The following PKHD1 variants were observed in gnomAD, a reference collection of about 807,000 sequenced individuals.
The protein encoded by PKHD1 is fibrocystin.
A neutral mutation model predicts 412.0 loss-of-function variants in PKHD1; 291 were observed. The observed-to-expected ratio is 0.71, with a 90% CI of 0.64 to 0.78. The LOEUF is 0.78. Ranked by LOEUF, PKHD1 falls within the 30% of genes least tolerant of loss-of-function variation. The pLI, the probability that PKHD1 is intolerant of heterozygous loss-of-function variation, is 0.00. For synonymous variants in PKHD1, 1,777 were observed against 1,821.5 expected, an observed-to-expected ratio of 0.98 and a Z score of 0.62; for missense variants, 4,825 against 4,950.7, an observed-to-expected ratio of 0.97 and a Z score of 0.76.
At chr6:51,830,657 A>T (rs555348887) in intron 52 of PKHD1, among the ~76,000 whole-genome samples, 1 of 152,292 alleles carries the variant, frequency 6.6e-6, no homozygotes, top group Non-Finnish European at 1.5e-5. Context: ...TAATGAAGAT[A>T]TGCTAGGTTA....
chr6:51,762,941 AT>A (rs1788290711), intron 55 of PKHD1, among the ~76,000 whole-genome samples: 2 of 152,056 alleles, frequency 1.3e-5, no homozygotes, highest in South Asian at 4.1e-4. Context: ...TTTGCAACTT[AT>A]TTTGAGTCTG....
chr6:51,933,468 A>G (rs1786971915), intron 37 of PKHD1, among the ~76,000 whole-genome samples: 1 of 152,252 alleles, frequency 6.6e-6, no homozygotes, highest in Non-Finnish European at 1.5e-5. Flanking sequence ...ATACCAGGCT[A>G]CTGCATGTTG....
At position 51,918,677 on chromosome 6, in the gene PKHD1, T is replaced by C. The variant is rs77683544; in HGVS notation, c.6122-6101A>G. 3.9e-5 allele frequency among the ~76,000 whole-genome samples: 6 copies of C among 152,310 alleles called. No homozygotes were observed. The East Asian group carries it at 9.6e-4, about 24-fold the overall frequency. ...CATACGTGTGCATGTGTCTTTATGG[T>C]TGAATGATTTATAATCCTTTGGGTA... is the stretch of plus-strand genomic sequence containing the variant. On this transcript the variant is annotated intron_variant, in intron 37 of 66. Transcript: ENST00000371117.
intron 16 of PKHD1, among the ~76,000 whole-genome samples, chr6:52,057,437 A>G (rs574966185): frequency 3.4e-5 from 5 of 147,584 alleles, no homozygotes; most frequent in Admixed American, 2.7e-4. Context: ...TTTTTTTTTT[A>G]GATGGAGTTT....
chr6:51,896,213 C>A (rs866113797), intron 43 of PKHD1, among the ~76,000 whole-genome samples: 57 of 150,446 alleles, frequency 3.8e-4, no homozygotes, highest in African/African-American at 1.3e-3. Flanking sequence ...CCTCTGGGGG[C>A]AGGGCACAGA....
chr6:51,810,980 G>T (rs1764600858), intron 52 of PKHD1, among the ~76,000 whole-genome samples: 1 of 152,086 alleles, frequency 6.6e-6, no homozygotes, highest in South Asian at 2.1e-4. Flanking sequence ...TATAATTTGT[G>T]ATTCTTTGGA....
At chr6:51,658,313 T>A (rs1772226657) in intron 61 of PKHD1, among the ~76,000 whole-genome samples, 1 of 152,134 alleles carries the variant, frequency 6.6e-6, no homozygotes, top group Admixed American at 6.6e-5. Flanking sequence ...AAGAGGAACA[T>A]CCATCTCTAT....
At chr6:51,830,771 T>A (rs376244738) in intron 52 of PKHD1, 90 bp downstream of exon 52, 9 of 1,287,648 alleles carry the variant, frequency 7.0e-6, no homozygotes, top group Non-Finnish European at 9.0e-6. Context: ...TTCCAAACTC[T>A]TTACTGTGTT....
chr6:51,693,426 T>G (rs1778411574), intron 60 of PKHD1, among the ~76,000 whole-genome samples: 1 of 152,236 alleles, frequency 6.6e-6, no homozygotes, highest in Non-Finnish European at 1.5e-5. Flanking sequence ...TTAGAACAAC[T>G]TCTAACATTT....
At chr6:52,062,166 T>C (rs1438830718) in intron 14 of PKHD1, among the ~76,000 whole-genome samples, 6 of 152,216 alleles carry the variant, frequency 3.9e-5, no homozygotes, top group Non-Finnish European at 7.3e-5. Flanking sequence ...GGATCTTTCT[T>C]TGGCATCAAC....
chr6:51,979,071 C>T (rs1047880842), intron 35 of PKHD1, among the ~76,000 whole-genome samples: 1 of 152,196 alleles, frequency 6.6e-6, no homozygotes, highest in Non-Finnish European at 1.5e-5. Flanking sequence ...TTGTCCCGTC[C>T]TTAATCCCCA....
chr6:51,719,674 C>T (rs1184071235), intron 60 of PKHD1, among the ~76,000 whole-genome samples: 3 of 152,250 alleles, frequency 2.0e-5, no homozygotes, highest in South Asian at 2.1e-4. Context: ...TATGTTATCT[C>T]TTTATACAAT....
chr6:51,954,431 T>C (rs1446505821), intron 36 of PKHD1, among the ~76,000 whole-genome samples: 1 of 152,010 alleles, frequency 6.6e-6, no homozygotes, highest in Non-Finnish European at 1.5e-5. Flanking sequence ...TGGCTAGAAA[T>C]ACTGCCAAGC....
intron 60 of PKHD1, among the ~76,000 whole-genome samples, chr6:51,670,106 G>A (rs1067566): frequency 0.46 from 59,087 of 129,564 alleles, 15,702 homozygotes; most frequent in Non-Finnish European, 0.62. Context: ...TATCCTTGTT[G>A]ACTTTCTGTC....
chr6:51,742,880 G>T (rs1344531420), intron 60 of PKHD1, among the ~76,000 whole-genome samples: 2 of 152,154 alleles, frequency 1.3e-5, no homozygotes, highest in African/African-American at 2.4e-5. Flanking sequence ...GTCAAGGATG[G>T]CTTCTCTGAG....
At chr6:51,884,268 T>G (rs1777856906) in intron 45 of PKHD1, among the ~76,000 whole-genome samples, 1 of 152,210 alleles carries the variant, frequency 6.6e-6, no homozygotes, top group African/African-American at 2.4e-5. Flanking sequence ...CACCATTTGT[T>G]GAAAAGACTA....
At chr6:51,680,898 AC>A (rs746848779) in intron 60 of PKHD1, among the ~76,000 whole-genome samples, 129 of 152,176 alleles carry the variant, frequency 8.5e-4, no homozygotes, top group African/African-American at 2.7e-3. Context: ...GTAAAAAAAA[AC>A]ATATGCCTTT....
At chr6:52,056,842 C>T (rs1485512558) in intron 17 of PKHD1, 48 bp downstream of exon 17, 1 of 1,577,776 alleles carries the variant, frequency 6.3e-7, no homozygotes, top group South Asian at 1.1e-5. Flanking sequence ...TAAAGACCAC[C>T]CCCAGTTCTC....
At chr6:51,706,042 G>A (rs915001351) in intron 60 of PKHD1, among the ~76,000 whole-genome samples, 1 of 152,026 alleles carries the variant, frequency 6.6e-6, no homozygotes, top group East Asian at 1.9e-4. Flanking sequence ...ATGCCCCAGG[G>A]TAAAACTTAT....
Sources: gnomAD v4.1 joint callset for allele counts (sites outside exome capture counted in the v4.1 genomes callset) on GRCh38, gnomAD v4.1.1 for gene constraint, MANE v1.5 for transcripts, NCBI Gene and HGNC (gene_info 2026-07-23, HGNC 2026-07-21) for gene names.